Variants in CENPT observed in about 807,000 individuals in gnomAD.
The protein encoded by CENPT is centromere protein T.
Under a neutral mutation model 59.7 loss-of-function variants are expected in CENPT, and 42 were observed. The ratio of observed to expected loss-of-function variants is 0.70; its 90% CI spans 0.55 to 0.91. The LOEUF (loss-of-function observed/expected upper bound fraction) is 0.91. Ranked by LOEUF, CENPT falls within the 40% of genes least tolerant of loss-of-function variation. CENPT has a pLI of 0.00. For synonymous variants in CENPT, 295 were observed against 289.6 expected (o/e 1.02, Z -0.19); for missense variants, 716 against 713.4 (o/e 1.00, Z -0.04).
In CENPT at chr16:67,842,389, C is replaced by G; in HGVS notation, c.-492+5012G>C. On this transcript the variant is annotated intron_variant, in intron 1 of 15. Coordinates refer to ENST00000562787, the MANE Select transcript of CENPT (RefSeq NM_025082.4). The surrounding 1 kb of genome is among the most constrained non-coding windows in gnomAD (Gnocchi z 4.9). ...GGCGCGGGCCGGCAGGAAGCGTATT[C>G]TGGGCACGGGGCGCCGGGCGGGCCG... 2.9e-6 allele frequency: 1 copy of G among 339,592 alleles called. No homozygotes were observed. The highest frequency in any genetic ancestry group is 4.6e-6 in the Non-Finnish European group (1 of 216,484). 21.0% of individuals were successfully genotyped at this position (339,592 alleles called of 1,614,324 possible).
chr16:67,839,729 C>T (rs925843364), intron 1 of CENPT, among the ~76,000 whole-genome samples: 1 of 151,870 alleles, frequency 6.6e-6, no homozygotes, highest in Non-Finnish European at 1.5e-5. Flanking sequence ...ACAAAATTAG[C>T]TGGTTGTGGT....
In CENPT at chr16:67,829,325, T is replaced by C. The variant is rs2057653859; in HGVS notation, c.1280+98A>G. 1.9e-5 allele frequency: 18 copies of C among 950,988 alleles called. No individual in the cohort carries two copies. The South Asian group carries it at 3.4e-4, about 18-fold the overall frequency. The allele number at this position is 950,988 out of a possible 1,614,324, so 58.9% of individuals were successfully genotyped here. A position where few individuals can be genotyped will look rare whatever the true frequency, so the allele number is the denominator to read the frequency against. On this transcript the variant is annotated intron_variant, in intron 13 of 15. Coordinates refer to ENST00000562787, the MANE Select transcript of CENPT (RefSeq NM_025082.4). ...CTGAAGCTGCCCTGCTGGGTAATCA[T>C]CTGCATACCCGTAGGAAGGGGGAGG...
intron 13 of CENPT, 27 bp from the exon 14 acceptor site, chr16:67,828,870 C>A: frequency 6.4e-7 from 1 of 1,552,536 alleles, no homozygotes; most frequent in Non-Finnish European, 8.6e-7. Flanking sequence ...ACAGAGGGGG[C>A]TGAACTTGCC....
At position 67,831,271 on chromosome 16, in the gene CENPT, A is replaced by G; in HGVS notation, c.648T>C (p.Ala216=). The G allele has an allele frequency of 6.2e-7, 1 of 1,614,198 alleles. No homozygotes were observed. The highest frequency in any genetic ancestry group is 8.5e-7 in the Non-Finnish European group (1 of 1,180,014). ...GLARRPPARR[A]VDVGAFLRDL... ...CCCGCAAAAAGGCACCCACGTCTAC[A>G]GCTCGGCGGGCTGGAGGTCTGCGGG... The change falls in exon 10 of 16, where the codon GCT becomes GCC. Residue 216 remains alanine (A), a synonymous_variant. Transcript: ENST00000562787.
chr16:67,828,886 G>GC, intron 13 of CENPT, 43 bp from the exon 14 acceptor site: 4 of 1,535,958 alleles, frequency 2.6e-6, no homozygotes, highest in Non-Finnish European at 3.5e-6. Context: ...TTGCCTCAAG[G>GC]AGGCTCTTAT....
At chr16:67,841,651 C>CG in intron 1 of CENPT, 1 of 152,362 alleles carries the variant, frequency 6.6e-6, no homozygotes, top group South Asian at 2.1e-4. Context: ...AGTCAGGCTC[C>CG]AAGAGAGGAG....
In CENPT at chr16:67,843,376, G is replaced by A; in HGVS notation, c.-492+4025C>T. On this transcript the variant is annotated intron_variant, in intron 1 of 15. Coordinates refer to ENST00000562787, the MANE Select transcript of CENPT (RefSeq NM_025082.4). This position sits in a 1 kb window ranked among gnomAD's most constrained non-coding sequence, Gnocchi z 5.7. Reference sequence around the variant, plus strand: ...ACATCCTGGCTCTGATGGAAGTGAAGATGAAAGAGATGAAAGGCAGCATTC... The same window carrying A: ...ACATCCTGGCTCTGATGGAAGTGAAAATGAAAGAGATGAAAGGCAGCATTC... The A allele has an allele frequency of 1.2e-6, 2 of 1,613,988 alleles. No homozygotes were observed. Among genetic ancestry groups the A allele is most frequent in the Non-Finnish European group, 1.7e-6 (2 of 1,180,046 alleles).
At chr16:67,839,644 G>T (rs1230517357) in intron 1 of CENPT, among the ~76,000 whole-genome samples, 2 of 152,064 alleles carry the variant, frequency 1.3e-5, no homozygotes, top group African/African-American at 4.8e-5. Flanking sequence ...AGGCCGAGGT[G>T]GGTGGATCAC....
intron 1 of CENPT, among the ~76,000 whole-genome samples, chr16:67,837,836 G>T (rs1284173703): frequency 6.6e-6 from 1 of 152,274 alleles, no homozygotes; most frequent in East Asian, 1.9e-4. Flanking sequence ...AGGGAGGAGC[G>T]AAAGAGAATG....
rs528061072 is a variant in CENPT, at chr16:67,830,743, C to G, written c.704-195G>C. On this transcript the variant is annotated intron_variant, in intron 10 of 15. Coordinates refer to ENST00000562787, the MANE Select transcript of CENPT (RefSeq NM_025082.4). ...ACGCGAGGCCTTATCGCCTACAGCC[C>G]TCCTTGCTTACCTTCCTGTTCCTCT... 2.1e-4 allele frequency: 123 copies of G among 590,068 alleles called. No homozygotes were observed. In the South Asian group the frequency reaches 2.5e-3, roughly 12 times the overall value. The allele number at this position is 590,068 out of a possible 1,614,324, so 36.6% of individuals were successfully genotyped here.
intron 1 of CENPT, among the ~76,000 whole-genome samples, chr16:67,840,930 C>CGAGCA (rs1230634517): frequency 2.0e-5 from 3 of 149,868 alleles, no homozygotes; most frequent in Admixed American, 6.7e-5. Flanking sequence ...GAGGCCGAGG[C>CGAGCA]GAGCAGATTG....
chr16:67,831,445 T>C, intron 9 of CENPT, 87 bp from the exon 10 acceptor site: 2 of 1,572,786 alleles, frequency 1.3e-6, no homozygotes, highest in Non-Finnish European at 1.7e-6. Flanking sequence ...GGGGCTCTCA[T>C]CTCTTAGAAC....
At chr16:67,844,276 A>G (rs934034227) in intron 1 of CENPT, 20 of 158,466 alleles carry the variant, frequency 1.3e-4, no homozygotes, top group African/African-American at 4.8e-4. Context: ...AGCCTTTCTG[A>G]AAGACCAGGC....
rs2057813931 is a variant in CENPT, at chr16:67,847,505, TC to T, written c.-597del. 1 of 152,364 alleles carries T rather than the reference TC, an allele frequency of 6.6e-6. No individual in the cohort carries two copies. Among genetic ancestry groups the T allele is most frequent in the African/African-American group, 2.4e-5 (1 of 41,482 alleles). 9.4% of individuals were successfully genotyped at this position (152,364 alleles called of 1,614,324 possible). On this transcript the variant is annotated 5_prime_UTR_variant, in exon 1 of 16. It introduces an in-frame stop codon into an upstream open reading frame of the 5' UTR. Coordinates refer to ENST00000562787, the MANE Select transcript of CENPT (RefSeq NM_025082.4). Reference sequence around the variant, plus strand: ...CCGGGGCTTGGGCCCCTCACCCTGTTCCCGACCATAGCCCGGCCGGGGTGTA... The same window carrying T: ...CCGGGGCTTGGGCCCCTCACCCTGTTCCGACCATAGCCCGGCCGGGGTGTA...
At chr16:67,836,292 C>T (rs560808131) in intron 1 of CENPT, among the ~76,000 whole-genome samples, 1 of 151,852 alleles carries the variant, frequency 6.6e-6, no homozygotes, top group South Asian at 2.1e-4. Context: ...GACCTCCTGA[C>T]CTCATGATCC....
chr16:67,847,167 G>A (rs1426646540), intron 1 of CENPT: 2 of 151,880 alleles, frequency 1.3e-5, no homozygotes, highest in African/African-American at 2.4e-5. Flanking sequence ...CCGGTCCTGT[G>A]AGGCGGCGGC....
At chr16:67,834,569 T>C (rs2057723245) in intron 3 of CENPT, among the ~76,000 whole-genome samples, 1 of 152,080 alleles carries the variant, frequency 6.6e-6, no homozygotes, top group South Asian at 2.1e-4. Flanking sequence ...AAGTGAGTCG[T>C]GATCGCACTC....
chr16:67,840,802 C>T (rs553563703), intron 1 of CENPT, among the ~76,000 whole-genome samples: 17 of 151,866 alleles, frequency 1.1e-4, no homozygotes, highest in African/African-American at 3.9e-4. Context: ...GCAGGTAATT[C>T]ACCTGGAGAA....
At chr16:67,847,204 G>A (rs974786855) in intron 1 of CENPT, 197 bp downstream of exon 1, 1 of 151,880 alleles carries the variant, frequency 6.6e-6, no homozygotes, top group Non-Finnish European at 1.5e-5. Context: ...AGAGCCAGCC[G>A]GGCGCCTATC....
Sources: allele counts gnomAD v4.1 joint callset (sites outside exome capture counted in the v4.1 genomes callset), GRCh38; gene constraint gnomAD v4.1.1; non-coding constraint Gnocchi (gnomAD v3.1); transcripts MANE v1.5; gene names NCBI Gene and HGNC (gene_info 2026-07-23, HGNC 2026-07-21).